LGALS9: variants seen among roughly 807,000 people sequenced by gnomAD.
The protein encoded by LGALS9 is galectin 9, also known as galectin-9.
In LGALS9, 26 loss-of-function variants were observed where a neutral mutation model predicts 35.9. The observed-to-expected ratio is 0.72, with a 90% CI of 0.53 to 1.01. The LOEUF is 1.01. Ranked by LOEUF, LGALS9 falls within the 50% of genes least tolerant of loss-of-function variation. LGALS9 has a pLI of 0.00. For missense variants in LGALS9, 347 were observed against 445.8 expected (o/e 0.78, Z 1.99); for synonymous variants, 149 against 172.2 (o/e 0.87, Z 1.06).
In LGALS9 at chr17:27,640,786, C is replaced by A. The variant is rs774324847; in HGVS notation, c.333+13C>A. On this transcript the variant is annotated intron_variant, in intron 3 of 10. Transcript: ENST00000395473. ...CTCAGATTTCAAGGTGAGCAAGAATCCCCTCCCCACCTCTCACCCCTGGGA... is the reference window on the plus strand; with the variant it reads ...CTCAGATTTCAAGGTGAGCAAGAATACCCTCCCCACCTCTCACCCCTGGGA... 1 of 1,613,504 alleles carries A rather than the reference C, an allele frequency of 6.2e-7. No homozygotes were observed. Among genetic ancestry groups the A allele is most frequent in the Admixed American group, 1.7e-5 (1 of 59,994 alleles).
chr17:27,634,108 G>T (rs60922712), intron 1 of LGALS9, among the ~76,000 whole-genome samples: 2,870 of 152,318 alleles, frequency 0.019, 90 homozygotes, highest in African/African-American at 0.066. Context: ...CTCTCTTAAT[G>T]ATTTTGAAGG....
At chr17:27,632,447 G>A (rs1444910599) in intron 1 of LGALS9, among the ~76,000 whole-genome samples, 1 of 152,190 alleles carries the variant, frequency 6.6e-6, no homozygotes, top group African/African-American at 2.4e-5. Context: ...AGAAAGAATG[G>A]GGAAAGGAGG....
At position 27,638,368 on chromosome 17, in the gene LGALS9, T is replaced by G. The variant is rs201628205; in HGVS notation, c.131+14T>G. On this transcript the variant is annotated intron_variant, in intron 2 of 10. Transcript: ENST00000395473. ...CAGTGGAACCAGGTGTGTGTGTATA[T>G]GGATGGAAACGTTTCACTCCAGCCT... 297 of 780,484 alleles carry G rather than the reference T, an allele frequency of 3.8e-4. 6 individuals carry two copies. The highest frequency in any genetic ancestry group is 7.7e-5 in the Non-Finnish European group (35 of 451,748). 48.3% of individuals were successfully genotyped at this position (780,484 alleles called of 1,614,324 possible).
At chr17:27,648,709 T>TA in intron 10 of LGALS9, 127 bp from the exon 11 acceptor site, 3 of 1,485,836 alleles carry the variant, frequency 2.0e-6, no homozygotes, top group Non-Finnish European at 2.7e-6. Flanking sequence ...TCAGTGGGGA[T>TA]AGAGTGCAGG....
chr17:27,640,300 A>C, intron 2 of LGALS9: 1 of 515,202 alleles, frequency 1.9e-6, no homozygotes, highest in Non-Finnish European at 3.5e-6. Flanking sequence ...TCCAAGACCT[A>C]TGTTTCTTGT....
At position 27,633,711 on chromosome 17, in the gene LGALS9, G is replaced by T. The variant is rs118159736; in HGVS notation, c.39+2407G>T. Reference sequence around the variant, plus strand: ...GAGGGATCGATTTGTTCAATGCAAAGAGCTGCACTGTCATGTCTGACATGA... The same window carrying T: ...GAGGGATCGATTTGTTCAATGCAAATAGCTGCACTGTCATGTCTGACATGA... On this transcript the variant is annotated intron_variant, in intron 1 of 10. Coordinates refer to ENST00000395473, the MANE Select transcript of LGALS9 (RefSeq NM_009587.3). Among the ~76,000 whole-genome samples, 100 of 152,372 alleles carry T rather than the reference G, an allele frequency of 6.6e-4. 1 individual carries two copies. In the East Asian group the frequency reaches 0.013, roughly 20 times the overall value.
chr17:27,637,919 C>T (rs2074471884), intron 1 of LGALS9, among the ~76,000 whole-genome samples: 1 of 152,000 alleles, frequency 6.6e-6, no homozygotes, highest in African/African-American at 2.4e-5. Flanking sequence ...TGTCTGCCTG[C>T]TACTTCCCTG....
chr17:27,635,441 TCTAAATAA>T (rs2074437852), intron 1 of LGALS9, among the ~76,000 whole-genome samples: 1 of 108,586 alleles, frequency 9.2e-6, no homozygotes. Flanking sequence ...AGAACCCATC[TCTAAATAA>T]ATAAATAAAT....
At chr17:27,646,693 T>C in intron 8 of LGALS9, 105 bp downstream of exon 8, 1 of 1,566,448 alleles carries the variant, frequency 6.4e-7, no homozygotes, top group Non-Finnish European at 8.8e-7. Flanking sequence ...TTAAAAGCAG[T>C]CATTTGTTAA....
At chr17:27,641,504 G>T (rs1253641150) in intron 3 of LGALS9, among the ~76,000 whole-genome samples, 1 of 152,080 alleles carries the variant, frequency 6.6e-6, no homozygotes, top group East Asian at 1.9e-4. Flanking sequence ...ACAAAATGGG[G>T]GGAAACAACA....
In LGALS9 at chr17:27,646,571, T is replaced by C; in HGVS notation, c.652T>C (p.Tyr218His). Reference protein sequence around the residue: ...FSTPAIPPMMYPHPAYPMPFI... With the variant: ...FSTPAIPPMMHPHPAYPMPFI... Reference sequence around the variant, plus strand: ...GACTCCCGCCATCCCACCTATGATGTACCCCCACCCCGCCTATGTAAGTGG... The same window carrying C: ...GACTCCCGCCATCCCACCTATGATGCACCCCCACCCCGCCTATGTAAGTGG... The change falls in exon 8 of 11, where the codon TAC becomes CAC. Residue 218 changes from tyrosine to histidine, a missense_variant. Physicochemically the swap from Tyr to His is moderately conservative, Grantham distance 83. Transcript: ENST00000395473. The C allele has an allele frequency of 6.2e-6, 10 of 1,612,264 alleles. No individual in the cohort carries two copies. The highest frequency in any genetic ancestry group is 8.5e-6 in the Non-Finnish European group (10 of 1,179,910).
rs2151298364 is a variant in LGALS9, at chr17:27,647,074, C to T, written c.714C>T (p.Ser238=). Residue 238 remains serine (S), a synonymous_variant, in exon 9 of 11, where the codon TCC becomes TCT. Coordinates refer to ENST00000395473, the MANE Select transcript of LGALS9 (RefSeq NM_009587.3). Reference sequence around the variant, plus strand: ...CCATTCTGGGAGGGCTGTACCCATCCAAGTCCATCCTCCTGTCAGGCACTG... The same window carrying T: ...CCATTCTGGGAGGGCTGTACCCATCTAAGTCCATCCTCCTGTCAGGCACTG... ...ITTILGGLYP[S]KSILLSGTVL... The T allele has an allele frequency of 6.2e-7, 1 of 1,614,166 alleles. No individual in the cohort carries two copies. Among genetic ancestry groups the T allele is most frequent in the Non-Finnish European group, 8.5e-7 (1 of 1,180,018 alleles).
intron 2 of LGALS9, among the ~76,000 whole-genome samples, chr17:27,639,048 G>A (rs1376694991): frequency 1.3e-5 from 2 of 152,142 alleles, no homozygotes; most frequent in Non-Finnish European, 2.9e-5. Context: ...ACTCTGCGGG[G>A]CCCACAGAAG....
chr17:27,641,625 G>A lies in LGALS9; in HGVS notation c.334-613G>A, dbSNP rs538954262. 8.1e-4 allele frequency among the ~76,000 whole-genome samples: 123 copies of A among 152,172 alleles called. 1 individual carries two copies. The highest frequency in any genetic ancestry group is 6.8e-3 in the Middle Eastern group (2 of 294). ...TCTGCAGCAAACCACCATGGCACCC[G>A]TTTACCTAGTTAACAAATCTGCACA... On this transcript the variant is annotated intron_variant, in intron 3 of 10. Transcript: ENST00000395473.
In LGALS9 at chr17:27,646,041, T is replaced by A. The variant is rs528404930; in HGVS notation, c.627+130T>A. On this transcript the variant is annotated intron_variant, in intron 7 of 10. Coordinates refer to ENST00000395473, the MANE Select transcript of LGALS9 (RefSeq NM_009587.3). ...GAGGATGGGGACACTAGGGGCTGAGTGCTTGGCTCAGGTGACATGTGGCTA... is the reference window on the plus strand; with the variant it reads ...GAGGATGGGGACACTAGGGGCTGAGAGCTTGGCTCAGGTGACATGTGGCTA... The A allele has an allele frequency of 4.8e-6, 4 of 825,858 alleles. No homozygotes were observed. In the African/African-American group the frequency reaches 6.9e-5, roughly 14 times the overall value. 51.2% of individuals were successfully genotyped at this position (825,858 alleles called of 1,614,324 possible). A position where few individuals can be genotyped will look rare whatever the true frequency, so the allele number is the denominator to read the frequency against.
In LGALS9 at chr17:27,631,205, CT is replaced by C; in HGVS notation, c.-60del. ...TTCTATTTCTTTGTTAAGTCGTTCC[CT>C]CTACAAAGGACTTCCTAGTGGGTGT... On this transcript the variant is annotated 5_prime_UTR_variant, in exon 1 of 11. Transcript: ENST00000395473. The C allele has an allele frequency of 6.2e-7, 1 of 1,612,030 alleles. No homozygotes were observed. The highest frequency in any genetic ancestry group is 8.5e-7 in the Non-Finnish European group (1 of 1,178,854).
rs1322452117 is a variant in LGALS9, at chr17:27,649,109, T to G, written c.*127T>G. The G allele has an allele frequency of 3.7e-5, 54 of 1,451,650 alleles. No homozygotes were observed. Among genetic ancestry groups the G allele is most frequent in the Non-Finnish European group, 4.8e-5 (51 of 1,060,616 alleles). The allele number at this position is 1,451,650 out of a possible 1,614,324, so 89.9% of individuals were successfully genotyped here. On this transcript the variant is annotated 3_prime_UTR_variant, in exon 11 of 11. Transcript: ENST00000395473. Reference sequence around the variant, plus strand: ...TCTGGGCTTTAATGCAGAGGCCATGTCCTTGTCTGGTCCTGCTTCTGGCTA... The same window carrying G: ...TCTGGGCTTTAATGCAGAGGCCATGGCCTTGTCTGGTCCTGCTTCTGGCTA...
intron 3 of LGALS9, 56 bp downstream of exon 3, chr17:27,640,829 T>C (rs546879687): frequency 6.2e-7 from 1 of 1,606,226 alleles, no homozygotes; most frequent in East Asian, 2.2e-5. Flanking sequence ...CCCTATCAGG[T>C]GAATGGCCTT....
intron 1 of LGALS9, among the ~76,000 whole-genome samples, chr17:27,632,536 G>C (rs1031906959): frequency 6.6e-6 from 1 of 152,206 alleles, no homozygotes; most frequent in Non-Finnish European, 1.5e-5. Context: ...CACAGAGGGG[G>C]CTGGGGGAAG....
Sources: allele counts gnomAD v4.1 joint callset (sites outside exome capture counted in the v4.1 genomes callset), GRCh38; gene constraint gnomAD v4.1.1; transcripts MANE v1.5; gene names NCBI Gene and HGNC (gene_info 2026-07-23, HGNC 2026-07-21).